Variants in TRHDE observed in about 807,000 individuals in gnomAD.
TRHDE encodes the protein thyrotropin-releasing hormone-degrading ectoenzyme.
Under a neutral mutation model 125.7 loss-of-function variants are expected in TRHDE, and 72 were observed. The observed-to-expected ratio is 0.57, with a 90% CI of 0.47 to 0.70. The LOEUF is 0.70. Ranked by LOEUF, TRHDE falls within the 30% of genes least tolerant of loss-of-function variation. The pLI is 0.00. For synonymous variants in TRHDE, 509 were observed against 509.1 expected (o/e 1.00, Z 0.00); for missense variants, 1,110 against 1,327.1 (o/e 0.84, Z 2.54).
chr12:72,525,721 T>C (rs1321440773), intron 6 of TRHDE, among the ~76,000 whole-genome samples: 1 of 151,886 alleles, frequency 6.6e-6, no homozygotes, highest in Non-Finnish European at 1.5e-5. Context: ...GGAACCAGTT[T>C]GGGAGCAGCT....
intron 2 of TRHDE, among the ~76,000 whole-genome samples, chr12:72,340,676 ACTC>A (rs1328602215): frequency 1.3e-5 from 2 of 151,830 alleles, no homozygotes; most frequent in Non-Finnish European, 2.9e-5. Flanking sequence ...AGACCCATCT[ACTC>A]CTGCATTCCA....
At position 72,469,777 on chromosome 12, in the gene TRHDE, G is replaced by T; in HGVS notation, c.1335G>T (p.Lys445Asn). 1 of 1,613,974 alleles carries T rather than the reference G, an allele frequency of 6.2e-7. No homozygotes were observed. Among genetic ancestry groups the T allele is most frequent in the Non-Finnish European group, 8.5e-7 (1 of 1,179,940 alleles). The change falls in exon 4 of 19, where the codon AAG becomes AAT. Residue 445 changes from lysine to asparagine, a missense_variant. This residue lies in a region of TRHDE where 252 missense variants were observed against 274.8 expected (regional missense o/e 0.92). Coordinates refer to ENST00000261180, the MANE Select transcript of TRHDE (RefSeq NM_013381.3). ...TTCTAGATCTTTTAGCTGTGCCTAA[G>T]CATCCGTATGCTGCTATGGAGAACT... ...LPKLDLLAVP[K>N]HPYAAMENWG...
At chr12:72,455,858 T>C (rs1493843) in intron 3 of TRHDE, among the ~76,000 whole-genome samples, 43,324 of 151,796 alleles carry the variant, frequency 0.29, 9,936 homozygotes, top group African/African-American at 0.63. Flanking sequence ...TTAATCTTTC[T>C]GTCTGCCTGG....
chr12:72,521,516 C>T (rs954175484), intron 6 of TRHDE, among the ~76,000 whole-genome samples: 9 of 152,140 alleles, frequency 5.9e-5, no homozygotes, highest in African/African-American at 2.2e-4. Flanking sequence ...TCCAAGCAAA[C>T]CAACTTGTGT....
intron 2 of TRHDE, among the ~76,000 whole-genome samples, chr12:72,372,839 G>T (rs1286038935): frequency 1.3e-5 from 2 of 152,178 alleles, no homozygotes; most frequent in African/African-American, 4.8e-5. Context: ...CTCCAGCTTT[G>T]TTCTTTTGGC....
At chr12:72,197,061 C>T (rs1238187543) in intron 2 of TRHDE, among the ~76,000 whole-genome samples, 1 of 152,072 alleles carries the variant, frequency 6.6e-6, no homozygotes, top group Non-Finnish European at 1.5e-5. Flanking sequence ...TATTTAGCCT[C>T]ATTTTTAACT....
At chr12:72,651,528 C>A (rs1437286813) in intron 15 of TRHDE, among the ~76,000 whole-genome samples, 1 of 151,318 alleles carries the variant, frequency 6.6e-6, no homozygotes, top group Non-Finnish European at 1.5e-5. Flanking sequence ...AATTTTGAAA[C>A]TTTAAAAAAA....
At chr12:72,204,258 C>G (rs1252692844) in intron 2 of TRHDE, among the ~76,000 whole-genome samples, 1 of 152,126 alleles carries the variant, frequency 6.6e-6, no homozygotes, top group African/African-American at 2.4e-5. Context: ...ATGGCTGTTG[C>G]AGCATTTGAT....
intron 2 of TRHDE, among the ~76,000 whole-genome samples, chr12:72,220,674 CTTCT>C (rs1877982759): frequency 6.6e-6 from 1 of 152,062 alleles, no homozygotes; most frequent in Non-Finnish European, 1.5e-5. Flanking sequence ...GAAGTTATTT[CTTCT>C]TTCTTCTTAT....
At chr12:72,146,930 G>A (rs1302584779) in intron 2 of TRHDE, among the ~76,000 whole-genome samples, 1 of 152,210 alleles carries the variant, frequency 6.6e-6, no homozygotes, top group Admixed American at 6.5e-5. Flanking sequence ...CCGGAAGAAG[G>A]GATGGGGTGG....
intron 5 of TRHDE, among the ~76,000 whole-genome samples, chr12:72,490,271 A>G (rs1289234966): frequency 6.6e-6 from 1 of 151,890 alleles, no homozygotes; most frequent in African/African-American, 2.4e-5. Flanking sequence ...GCAAATGAAA[A>G]TCATGAGATA....
chr12:72,322,824 CTTCAGTTA>C, intron 2 of TRHDE, among the ~76,000 whole-genome samples: 1 of 152,124 alleles, frequency 6.6e-6, no homozygotes, highest in Non-Finnish European at 1.5e-5. Flanking sequence ...GTTTTTAGGA[CTTCAGTTA>C]TCCACATTTG....
intron 5 of TRHDE, 114 bp from the exon 6 acceptor site, chr12:72,499,384 C>T (rs996331802): frequency 7.4e-6 from 10 of 1,344,148 alleles, no homozygotes; most frequent in Non-Finnish European, 1.0e-5. Context: ...TGAGTCATGC[C>T]TTGGAAGACT....
chr12:72,408,862 A>G (rs1873375118), intron 3 of TRHDE, among the ~76,000 whole-genome samples: 1 of 152,162 alleles, frequency 6.6e-6, no homozygotes, highest in Non-Finnish European at 1.5e-5. Context: ...TATAAAAGAG[A>G]CAATAAAAAG....
intron 2 of TRHDE, among the ~76,000 whole-genome samples, chr12:72,121,986 C>T (rs1336903930): frequency 6.6e-6 from 1 of 152,104 alleles, no homozygotes; most frequent in African/African-American, 2.4e-5. Context: ...TGTCTCTACC[C>T]TCCTTCAGCT....
chr12:72,202,224 A>T (rs900345402), intron 2 of TRHDE, among the ~76,000 whole-genome samples: 1 of 152,122 alleles, frequency 6.6e-6, no homozygotes, highest in African/African-American at 2.4e-5. Context: ...TATCAGTGAG[A>T]TCCCTTGTCC....
chr12:72,481,513 A>G (rs1320816856), intron 5 of TRHDE, among the ~76,000 whole-genome samples: 1 of 151,580 alleles, frequency 6.6e-6, no homozygotes, highest in Non-Finnish European at 1.5e-5. Flanking sequence ...ACTGTGAAAT[A>G]GAGTAAGACC....
chr12:72,634,693 C>T lies in TRHDE; in HGVS notation c.2675+12942C>T, dbSNP rs1293686235. 1.9e-4 allele frequency among the ~76,000 whole-genome samples: 28 copies of T among 148,602 alleles called. No individual in the cohort carries two copies. The Admixed American group carries it at 1.9e-3, about 10-fold the overall frequency. On this transcript the variant is annotated intron_variant, in intron 15 of 18. Transcript: ENST00000261180. ...CAGTCCCCAGAGTGTGATGTTCCCC[C>T]TCCTGTGTCCATGTGTTCTCATTGT... is the stretch of plus-strand genomic sequence containing the variant.
chr12:72,089,097 G>A (rs1161808561), intron 1 of TRHDE, among the ~76,000 whole-genome samples: 1 of 152,078 alleles, frequency 6.6e-6, no homozygotes, highest in Non-Finnish European at 1.5e-5. Context: ...TAGTTTCCAA[G>A]GTCAAAACAC....
Sources: allele counts gnomAD v4.1 joint callset (sites outside exome capture counted in the v4.1 genomes callset), GRCh38; gene constraint gnomAD v4.1.1; regional missense constraint gnomAD v4.1.1; transcripts MANE v1.5; gene names NCBI Gene and HGNC (gene_info 2026-07-23, HGNC 2026-07-21).